APLP2: variants seen among roughly 807,000 people sequenced by gnomAD.
APLP2 encodes the protein amyloid beta precursor like protein 2.
A neutral mutation model predicts 89.9 loss-of-function variants in APLP2; 53 were observed. The observed-to-expected ratio is 0.59, with a 90% CI of 0.47 to 0.74. APLP2 has a LOEUF of 0.74. Among genes scored for constraint, APLP2 ranks in the 30% least tolerant of loss-of-function variants. The pLI is 0.00. For missense variants in APLP2, 973 were observed against 975.9 expected, an observed-to-expected ratio of 1.00 and a Z score of 0.04; for synonymous variants, 372 against 348.6, an observed-to-expected ratio of 1.07 and a Z score of -0.75.
chr11:130,070,425 GA>G, intron 1 of APLP2: 1 of 696,068 alleles, frequency 1.4e-6, no homozygotes, highest in Non-Finnish European at 1.9e-6. Context: ...CCTCCCCCGG[GA>G]CAATGCCAGG....
intron 1 of APLP2, among the ~76,000 whole-genome samples, chr11:130,107,687 C>T (rs1947964169): frequency 6.6e-6 from 1 of 152,192 alleles, no homozygotes; most frequent in Non-Finnish European, 1.5e-5. Flanking sequence ...CTACCAATGA[C>T]TTTCTTCACA....
At chr11:130,089,298 C>T (rs1254285980) in intron 1 of APLP2, among the ~76,000 whole-genome samples, 1 of 152,208 alleles carries the variant, frequency 6.6e-6, no homozygotes, top group Non-Finnish European at 1.5e-5. Flanking sequence ...CACCCTCCTA[C>T]CTTCCAAAGT....
At chr11:130,070,606 G>A in intron 1 of APLP2, 1 of 1,394,540 alleles carries the variant, frequency 7.2e-7, no homozygotes, top group Non-Finnish European at 9.3e-7. Flanking sequence ...CTTCGCGCGC[G>A]GCAGGGATGC....
chr11:130,118,981 C>T (rs1949519467), intron 3 of APLP2, among the ~76,000 whole-genome samples: 1 of 152,192 alleles, frequency 6.6e-6, no homozygotes, highest in Non-Finnish European at 1.5e-5. Flanking sequence ...TCTTCCCCTA[C>T]TTACACATCA....
At chr11:130,098,584 AT>A (rs1331988776) in intron 1 of APLP2, among the ~76,000 whole-genome samples, 1 of 152,216 alleles carries the variant, frequency 6.6e-6, no homozygotes, top group African/African-American at 2.4e-5. Context: ...GGCATGTTGG[AT>A]AGTTTCTCAA....
intron 7 of APLP2, among the ~76,000 whole-genome samples, chr11:130,124,028 A>T (rs1431267333): frequency 6.6e-6 from 1 of 151,904 alleles, no homozygotes; most frequent in African/African-American, 2.4e-5. Context: ...GTGCGTACCC[A>T]CCTTGGTATA....
chr11:130,086,686 G>A (rs1944171642), intron 1 of APLP2, among the ~76,000 whole-genome samples: 1 of 152,092 alleles, frequency 6.6e-6, no homozygotes, highest in East Asian at 1.9e-4. Context: ...TCCATTTTGA[G>A]TTCAGTTTTG....
Position 130,123,728 on chromosome 11 carries a change from AG to A in APLP2, c.1041del (p.Asn348ThrfsTer16). On this transcript the variant is annotated frameshift_variant, in exon 7 of 17. Coordinates refer to ENST00000338167, the MANE Select transcript of APLP2 (RefSeq NM_001142276.2). LOFTEE classifies it high-confidence loss of function. This position sits in a 1 kb window ranked among gnomAD's most constrained non-coding sequence, Gnocchi z 4.0. ...TATATATGGTGGCTGCGGCGGCAAC[AG>A]GAACAATTTTGAGTCTGAGGATTAT... ...RFIYGGCGGNRNNFESEDYCM... is the reference protein window; with the variant it reads ...RFIYGGCGGNXNNFESEDYCM... The A allele has an allele frequency of 6.2e-7, 1 of 1,614,252 alleles. No homozygotes were observed. Among genetic ancestry groups the A allele is most frequent in the Non-Finnish European group, 8.5e-7 (1 of 1,180,038 alleles).
intron 1 of APLP2, chr11:130,109,098 A>G (rs1038751450): frequency 6.3e-6 from 1 of 157,574 alleles, no homozygotes; most frequent in African/African-American, 2.4e-5. Flanking sequence ...TACCTAATGT[A>G]AATGACAAGT....
chr11:130,079,107 ATTTATTTT>A lies in APLP2; in HGVS notation c.105+9027_105+9034del, dbSNP rs1942678408. ...TTTTTATTTATTTATTTATTTATTT[ATTTATTTT>A]TGAGACAGGTTGTTGCTCTGTCACC... On this transcript the variant is annotated intron_variant, in intron 1 of 16. Coordinates refer to ENST00000338167, the MANE Select transcript of APLP2 (RefSeq NM_001142276.2). 3.3e-5 allele frequency among the ~76,000 whole-genome samples: 5 copies of A among 151,488 alleles called. No individual in the cohort carries two copies. The South Asian group carries it at 6.2e-4, about 19-fold the overall frequency.
intron 1 of APLP2, among the ~76,000 whole-genome samples, chr11:130,073,543 C>T (rs79421917): frequency 0.11 from 17,055 of 152,166 alleles, 1,233 homozygotes; most frequent in East Asian, 0.25. Flanking sequence ...AAATGTTTTA[C>T]TTAGAAATAA....
At chr11:130,109,195 T>C (rs1334981413) in intron 1 of APLP2, 1 of 291,528 alleles carries the variant, frequency 3.4e-6, no homozygotes. Flanking sequence ...ACTTAAAATA[T>C]AATAAATAAA....
At chr11:130,104,195 T>C (rs1355542574) in intron 1 of APLP2, among the ~76,000 whole-genome samples, 1 of 150,568 alleles carries the variant, frequency 6.6e-6, no homozygotes, top group Non-Finnish European at 1.5e-5. Flanking sequence ...AACAGGACTT[T>C]TGGTACACAT....
intron 1 of APLP2, among the ~76,000 whole-genome samples, chr11:130,074,193 CAT>C (rs1251087028): frequency 1.3e-5 from 2 of 152,084 alleles, no homozygotes; most frequent in East Asian, 1.9e-4. Flanking sequence ...CATTTGAAAA[CAT>C]GTTTTGTTGT....
intron 3 of APLP2, among the ~76,000 whole-genome samples, chr11:130,119,221 A>C (rs542433138): frequency 6.6e-6 from 1 of 152,274 alleles, no homozygotes; most frequent in East Asian, 1.9e-4. Context: ...TGCCAGCTGC[A>C]TCTTCCTGCC....
intron 1 of APLP2, among the ~76,000 whole-genome samples, chr11:130,105,684 C>G (rs973420446): frequency 6.7e-6 from 1 of 149,296 alleles, no homozygotes; most frequent in Non-Finnish European, 1.5e-5. Flanking sequence ...CTCTCTCTCT[C>G]CCTGTCTTTC....
chr11:130,087,717 C>A (rs1264504802), intron 1 of APLP2, among the ~76,000 whole-genome samples: 1 of 152,158 alleles, frequency 6.6e-6, no homozygotes, highest in Non-Finnish European at 1.5e-5. Flanking sequence ...CCACCCTGCC[C>A]CTTATCCTCT....
rs966772314 is a variant in APLP2 at position 130,135,681 on chromosome 11, C to T, written c.1803C>T (p.Pro601=). The T allele has an allele frequency of 6.2e-7, 1 of 1,612,774 alleles. No homozygotes were observed. Among genetic ancestry groups the T allele is most frequent in the South Asian group, 1.1e-5 (1 of 91,084 alleles). Residue 601 remains proline, a synonymous_variant, in exon 13 of 17, where the codon CCC becomes CCT. Coordinates refer to ENST00000338167, the MANE Select transcript of APLP2 (RefSeq NM_001142276.2). ...EESEEIPPFH[P]FHPFPALPEN... is the part of the protein sequence containing the mutation. The stretch of plus-strand genomic sequence containing the variant: ...GTGAGGAGATCCCACCGTTCCACCC[C>T]TTCCACCCCTTCCCAGCCCTACCTG...
chr11:130,087,202 A>G (rs952741253), intron 1 of APLP2, among the ~76,000 whole-genome samples: 4 of 152,192 alleles, frequency 2.6e-5, no homozygotes, highest in African/African-American at 9.7e-5. Flanking sequence ...TTTTAGAGTA[A>G]CTGTCATCAG....
Sources: allele counts gnomAD v4.1 joint callset (sites outside exome capture counted in the v4.1 genomes callset), GRCh38; gene constraint gnomAD v4.1.1; non-coding constraint Gnocchi (gnomAD v3.1); transcripts MANE v1.5; gene names NCBI Gene and HGNC (gene_info 2026-07-23, HGNC 2026-07-21).